Variants in UTP4 observed in about 807,000 individuals in gnomAD.
The protein encoded by UTP4 is U3 small nucleolar RNA-associated protein 4 homolog.
A neutral mutation model predicts 82.4 loss-of-function variants in UTP4; 45 were observed. The observed-to-expected ratio is 0.55, with a 90% confidence interval of 0.43 to 0.70. UTP4 has a LOEUF of 0.70. Ranked by LOEUF, UTP4 falls within the 30% of genes least tolerant of loss-of-function variation. The pLI is 0.00. For missense variants in UTP4, 819 were observed against 858.3 expected (o/e 0.95, Z 0.57); for synonymous variants, 348 against 300.3 (o/e 1.16, Z -1.64).
At chr16:69,156,084 C>G in intron 11 of UTP4, 91 bp downstream of exon 11, 3 of 1,306,736 alleles carry the variant, frequency 2.3e-6, no homozygotes, top group Non-Finnish European at 3.3e-6. Context: ...GATGTGAATC[C>G]TTGCTCAGTT....
chr16:69,165,396 A>G lies in UTP4; in HGVS notation c.1703A>G (p.Gln568Arg). ...KQYTDWSRTVQKQGFHHLWLQ... is the reference protein window; with the variant it reads ...KQYTDWSRTVRKQGFHHLWLQ... The stretch of plus-strand genomic sequence containing the variant: ...TATACAGATTGGAGCCGGACTGTCC[A>G]GAAGCAGGGCTTTCACCACCTTTGG... The change falls in exon 15 of 17, where the codon CAG becomes CGG. Residue 568 changes from glutamine to arginine, a missense_variant. By Grantham distance (43) the Gln-to-Arg change is conservative (BLOSUM62 1). Transcript: ENST00000314423. 6.2e-7 allele frequency: 1 copy of G among 1,614,130 alleles called. No homozygotes were observed. The highest frequency in any genetic ancestry group is 1.7e-5 in the Admixed American group (1 of 60,010).
Position 69,165,370 on chromosome 16 carries a change from G to A in UTP4, c.1677G>A (p.Gln559=). Residue 559 remains glutamine (Q), a synonymous_variant, in exon 15 of 17, where the codon CAG becomes CAA. Transcript: ENST00000314423. The part of the protein sequence containing the change: ...QVFEYSIPDK[Q]YTDWSRTVQK... ...TTGAGTACAGCATCCCAGACAAACA[G>A]TATACAGATTGGAGCCGGACTGTCC... is the stretch of plus-strand genomic sequence containing the variant. The A allele has an allele frequency of 6.2e-7, 1 of 1,614,102 alleles. No homozygotes were observed. The highest frequency in any genetic ancestry group is 8.5e-7 in the Non-Finnish European group (1 of 1,180,034).
At chr16:69,156,651 G>A (rs976656069) in intron 11 of UTP4, among the ~76,000 whole-genome samples, 2 of 151,498 alleles carry the variant, frequency 1.3e-5, no homozygotes, top group African/African-American at 2.4e-5. Context: ...TAGAGATGGG[G>A]TTTCACCACG....
At chr16:69,166,674 C>T in intron 15 of UTP4, 1 of 221,716 alleles carries the variant, frequency 4.5e-6, no homozygotes, top group Non-Finnish European at 9.0e-6. Flanking sequence ...CTAGAAAGCA[C>T]AGACCCTGTG....
chr16:69,147,251 C>T (rs559843106), intron 6 of UTP4, among the ~76,000 whole-genome samples: 18 of 150,996 alleles, frequency 1.2e-4, no homozygotes, highest in African/African-American at 3.4e-4. Flanking sequence ...CGCCTGTAAA[C>T]CTACCACTTT....
chr16:69,162,279 T>C (rs1175148168), intron 13 of UTP4, among the ~76,000 whole-genome samples: 1 of 151,822 alleles, frequency 6.6e-6, no homozygotes, highest in African/African-American at 2.4e-5. Context: ...CCAATAGGTA[T>C]TTTTTTAAGA....
intron 6 of UTP4, among the ~76,000 whole-genome samples, chr16:69,147,927 T>G (rs1481584181): frequency 1.3e-5 from 2 of 151,888 alleles, no homozygotes; most frequent in African/African-American, 4.8e-5. Context: ...CCACCACGCC[T>G]GTCTAATTTT....
intron 14 of UTP4, among the ~76,000 whole-genome samples, chr16:69,164,805 G>A (rs937220315): frequency 4.0e-4 from 61 of 151,918 alleles, no homozygotes; most frequent in Middle Eastern, 3.4e-3. Context: ...GGGCATGACC[G>A]ATATATATGT....
rs1454279899 is a variant in UTP4, at chr16:69,133,634, G to A, written c.159+16G>A. The A allele has an allele frequency of 1.9e-6, 3 of 1,612,936 alleles. No homozygotes were observed. Among genetic ancestry groups the A allele is most frequent in the Non-Finnish European group, 2.5e-6 (3 of 1,178,992 alleles). On this transcript the variant is annotated intron_variant, in intron 2 of 16. Coordinates refer to ENST00000314423, the MANE Select transcript of UTP4 (RefSeq NM_032830.3). ...TCAGGAGAAAGTAAGTCATTTGGGA[G>A]TCTGATATGGTGTTTTGATGTTAAT...
intron 6 of UTP4, among the ~76,000 whole-genome samples, chr16:69,144,751 C>A (rs770970878): frequency 3.3e-5 from 5 of 152,128 alleles, no homozygotes; most frequent in Non-Finnish European, 5.9e-5. Context: ...AGATGTCACA[C>A]GTAAGTGATA....
chr16:69,138,780 G>A (rs565809496), intron 4 of UTP4, among the ~76,000 whole-genome samples: 1 of 152,218 alleles, frequency 6.6e-6, no homozygotes, highest in East Asian at 1.9e-4. Context: ...AAACTAATGG[G>A]CAGGCTGTGC....
chr16:69,165,372 A>G lies in UTP4; in HGVS notation c.1679A>G (p.Tyr560Cys). Residue 560 changes from tyrosine (Y) to cysteine (C), a missense_variant, in exon 15 of 17, where the codon TAT (tyrosine) becomes TGT (cysteine). Coordinates refer to ENST00000314423, the MANE Select transcript of UTP4 (RefSeq NM_032830.3). Reference sequence around the variant, plus strand: ...GAGTACAGCATCCCAGACAAACAGTATACAGATTGGAGCCGGACTGTCCAG... The same window carrying G: ...GAGTACAGCATCCCAGACAAACAGTGTACAGATTGGAGCCGGACTGTCCAG... ...VFEYSIPDKQYTDWSRTVQKQ... is the reference protein window; with the variant it reads ...VFEYSIPDKQCTDWSRTVQKQ... The G allele has an allele frequency of 1.2e-6, 2 of 1,614,126 alleles. No individual in the cohort carries two copies. The highest frequency in any genetic ancestry group is 1.7e-6 in the Non-Finnish European group (2 of 1,180,018).
At chr16:69,144,483 C>T (rs1439724339) in intron 6 of UTP4, among the ~76,000 whole-genome samples, 1 of 152,196 alleles carries the variant, frequency 6.6e-6, no homozygotes, top group East Asian at 1.9e-4. Flanking sequence ...CCACCACACC[C>T]AGCCTATTAT....
intron 8 of UTP4, among the ~76,000 whole-genome samples, chr16:69,153,073 C>T (rs1228262785): frequency 1.3e-5 from 2 of 152,196 alleles, no homozygotes; most frequent in South Asian, 2.1e-4. Context: ...CTTTTTGCAC[C>T]TCTCGTGCTT....
In UTP4 at chr16:69,137,883, A is replaced by G. The variant is rs752244922; in HGVS notation, c.434A>G (p.Lys145Arg). Residue 145 changes from lysine (K) to arginine (R), a missense_variant and splice_region_variant, in exon 4 of 17, where the codon AAA (lysine) becomes AGA (arginine). Coordinates refer to ENST00000314423, the MANE Select transcript of UTP4 (RefSeq NM_032830.3). ...IQFERNFDRQKSRILSLSWHP... is the reference protein window; with the variant it reads ...IQFERNFDRQRSRILSLSWHP... ...TTTGAAAGAAATTTTGATCGGCAGA[A>G]AAGTAAGCGTCATTTTTCATGGGGC... The G allele has an allele frequency of 2.5e-6, 4 of 1,598,302 alleles. No homozygotes were observed. The highest frequency in any genetic ancestry group is 1.3e-5 in the African/African-American group (1 of 74,558).
At chr16:69,139,415 G>T (rs1260197454) in intron 4 of UTP4, among the ~76,000 whole-genome samples, 3 of 151,532 alleles carry the variant, frequency 2.0e-5, no homozygotes, top group Non-Finnish European at 4.4e-5. Context: ...GAGGCGGGTG[G>T]ATCACTTGAG....
intron 8 of UTP4, among the ~76,000 whole-genome samples, chr16:69,152,186 C>CT (rs1963290259): frequency 6.6e-6 from 1 of 151,970 alleles, no homozygotes; most frequent in African/African-American, 2.4e-5. Context: ...GGATCAGTGT[C>CT]TTTTCTCATC....
chr16:69,143,656 A>G (rs1963028997), intron 6 of UTP4, among the ~76,000 whole-genome samples: 2 of 152,194 alleles, frequency 1.3e-5, no homozygotes, highest in Admixed American at 1.3e-4. Flanking sequence ...GTTTGATTGT[A>G]GATAGGGCAC....
chr16:69,133,036 G>A, intron 1 of UTP4: 1 of 271,738 alleles, frequency 3.7e-6, no homozygotes, highest in South Asian at 3.7e-5. Context: ...GTCAGACCAG[G>A]CAGCCAGATT....
Sources: gnomAD v4.1 joint callset for allele counts (sites outside exome capture counted in the v4.1 genomes callset) on GRCh38, gnomAD v4.1.1 for gene constraint, MANE v1.5 for transcripts, NCBI Gene and HGNC (gene_info 2026-07-23, HGNC 2026-07-21) for gene names.